Variants in MPPE1 observed in about 807,000 individuals in gnomAD.
The protein encoded by MPPE1 is metallophosphoesterase 1.
Under a neutral mutation model 43.8 loss-of-function variants are expected in MPPE1, and 28 were observed. The ratio of observed to expected loss-of-function variants is 0.64; its 90% CI spans 0.47 to 0.88. The LOEUF (loss-of-function observed/expected upper bound fraction) is 0.88. MPPE1 is among the 40% of genes least tolerant of loss of function. The probability of loss-of-function intolerance (pLI) is 0.00; values close to 1 mark genes in which losing one functional copy is unlikely to be tolerated. For synonymous variants in MPPE1, 159 were observed against 188.5 expected (o/e 0.84, Z 1.28); for missense variants, 428 against 492.2 (o/e 0.87, Z 1.23).
At chr18:11,894,778 C>T (rs890527972) in intron 3 of MPPE1, among the ~76,000 whole-genome samples, 4 of 151,786 alleles carry the variant, frequency 2.6e-5, no homozygotes, top group African/African-American at 7.3e-5. Context: ...TTAGTAGAGA[C>T]GGGGTTTCTC....
intron 2 of MPPE1, among the ~76,000 whole-genome samples, chr18:11,898,131 T>C (rs1193647288): frequency 6.6e-6 from 1 of 152,170 alleles, no homozygotes; most frequent in Non-Finnish European, 1.5e-5. Flanking sequence ...TGCAGTGGTG[T>C]GATCTGGGCT....
intron 3 of MPPE1, 90 bp from the exon 4 acceptor site, chr18:11,893,666 A>C: frequency 2.0e-6 from 2 of 1,001,868 alleles, no homozygotes; most frequent in Non-Finnish European, 3.0e-6. Context: ...AGCAAACTAA[A>C]TGGTTCCACT....
Position 11,886,697 on chromosome 18 carries a change from TC to T in MPPE1, c.744+15del. 6.2e-7 allele frequency: 1 copy of T among 1,613,664 alleles called. No individual in the cohort carries two copies. The highest frequency in any genetic ancestry group is 1.1e-5 in the South Asian group (1 of 91,068). On this transcript the variant is annotated intron_variant, in intron 8 of 10. Transcript: ENST00000588072. The surrounding 1 kb of genome is among the most constrained non-coding windows in gnomAD (Gnocchi z 4.1). The stretch of plus-strand genomic sequence containing the variant: ...TGCCTGCTGTCTGCCATGAGCCCTT[TC>T]CTCCCCCAGCTCACCTGCAGGAGGA...
At chr18:11,884,663 C>T in intron 10 of MPPE1, 36 bp from the exon 11 acceptor site, 1 of 1,599,296 alleles carries the variant, frequency 6.3e-7, no homozygotes, top group South Asian at 1.1e-5. Context: ...CTGAGAGCAC[C>T]AGGCACACGT....
intron 6 of MPPE1, among the ~76,000 whole-genome samples, chr18:11,887,537 C>A (rs592941): frequency 0.022 from 3,352 of 152,260 alleles, 129 homozygotes; most frequent in African/African-American, 0.075. Context: ...GCAAGTAAGG[C>A]AGAGGGTAGG....
In MPPE1 at chr18:11,896,981, T is replaced by C; in HGVS notation, c.281+3A>G. The C allele has an allele frequency of 1.9e-6, 3 of 1,607,748 alleles. No homozygotes were observed. Among genetic ancestry groups the C allele is most frequent in the African/African-American group, 2.7e-5 (2 of 74,832 alleles). On this transcript the variant is annotated splice_donor_region_variant and intron_variant, in intron 3 of 10. Transcript: ENST00000588072. The stretch of plus-strand genomic sequence containing the variant: ...TAGAAAGATTCCTGATTTTACCTCT[T>C]ACCTTCGTAATTTGTCCAGCCAGTG...
intron 4 of MPPE1, among the ~76,000 whole-genome samples, chr18:11,891,779 GT>G (rs2038024605): frequency 6.6e-6 from 1 of 151,810 alleles, no homozygotes; most frequent in Non-Finnish European, 1.5e-5. Context: ...GGTTTTTTTT[GT>G]TTTGTTTTGT....
rs2038679669 is a variant in MPPE1 at position 11,897,024 on chromosome 18, G to A, written c.241C>T (p.Leu81Phe). The stretch of plus-strand genomic sequence containing the variant: ...AGCCAGTGGCCTAGGAATTCCCCAA[G>A]CAAATGGGTGTCAGCCAAAAACATG... ...KAMFLADTHL[L>F]GEFLGHWLDK... The change falls in exon 3 of 11, where the codon CTT becomes TTT. Residue 81 changes from leucine to phenylalanine, a missense_variant. Around this residue, in one of 3 missense-constraint regions of MPPE1, gnomAD observed 379 missense variants for 402.5 expected, o/e 0.94. Transcript: ENST00000588072. The A allele has an allele frequency of 6.3e-7, 1 of 1,584,322 alleles. No homozygotes were observed. The highest frequency in any genetic ancestry group is 8.6e-7 in the Non-Finnish European group (1 of 1,166,672).
chr18:11,884,274 G>C lies in MPPE1; in HGVS notation c.*171C>G. The C allele has an allele frequency of 1.5e-6, 1 of 646,636 alleles. No individual in the cohort carries two copies. The highest frequency in any genetic ancestry group is 2.7e-6 in the Non-Finnish European group (1 of 372,784). 40.1% of individuals were successfully genotyped at this position (646,636 alleles called of 1,614,324 possible). A position where few individuals can be genotyped will look rare whatever the true frequency, so the allele number is the denominator to read the frequency against. ...GTACCTGTCCACTTTTATAGCATGA[G>C]AACAGTACAATCAACTATTTATTTT... On this transcript the variant is annotated 3_prime_UTR_variant, in exon 11 of 11. Transcript: ENST00000588072.
rs577198910 is a variant in MPPE1 at position 11,886,390 on chromosome 18, T to C, written c.867+109A>G. 4 of 1,504,500 alleles carry C rather than the reference T, an allele frequency of 2.7e-6. No individual in the cohort carries two copies. In the East Asian group the frequency reaches 9.0e-5, roughly 34 times the overall value. 93.2% of individuals were successfully genotyped at this position (1,504,500 alleles called of 1,614,324 possible). The stretch of plus-strand genomic sequence containing the variant: ...GTCCCCCCAGGTGATAACTAAGTCA[T>C]GAACGTTTCAGCAAACACCTGCTCT... On this transcript the variant is annotated intron_variant, in intron 9 of 10. Coordinates refer to ENST00000588072, the MANE Select transcript of MPPE1 (RefSeq NM_023075.6). The surrounding 1 kb of genome is among the most constrained non-coding windows in gnomAD (Gnocchi z 4.1).
intron 4 of MPPE1, among the ~76,000 whole-genome samples, chr18:11,890,251 C>CT (rs552069611): frequency 2.8e-3 from 422 of 151,846 alleles, no homozygotes; most frequent in African/African-American, 9.5e-3. Context: ...CATAATATGT[C>CT]TTTTTTAAAA....
rs1253864355 is a variant in MPPE1 at position 11,883,404 on chromosome 18, A to C, written c.*1041T>G. 1 of 153,312 alleles carries C rather than the reference A, an allele frequency of 6.5e-6. No homozygotes were observed. Among genetic ancestry groups the C allele is most frequent in the Non-Finnish European group, 1.5e-5 (1 of 68,038 alleles). The allele number at this position is 153,312 out of a possible 1,614,324, so 9.5% of individuals were successfully genotyped here. On this transcript the variant is annotated 3_prime_UTR_variant, in exon 11 of 11. Coordinates refer to ENST00000588072, the MANE Select transcript of MPPE1 (RefSeq NM_023075.6). Reference sequence around the variant, plus strand: ...TACTCAACAATTACCCTCTAACTAAACATCCTGTTTAAGAGTTTAATTCAA... The same window carrying C: ...TACTCAACAATTACCCTCTAACTAACCATCCTGTTTAAGAGTTTAATTCAA...
chr18:11,904,285 C>T (rs529503845), intron 2 of MPPE1, among the ~76,000 whole-genome samples: 1 of 152,102 alleles, frequency 6.6e-6, no homozygotes, highest in South Asian at 2.1e-4. Flanking sequence ...TGTGAAGCAG[C>T]TATCTGGTAT....
chr18:11,888,454 G>A (rs569122111), intron 6 of MPPE1, among the ~76,000 whole-genome samples: 2 of 152,282 alleles, frequency 1.3e-5, no homozygotes, highest in South Asian at 4.1e-4. Flanking sequence ...TTCATTATGG[G>A]GTTGTCAAGG....
intron 3 of MPPE1, among the ~76,000 whole-genome samples, chr18:11,895,883 A>C (rs1359335457): frequency 6.6e-6 from 1 of 151,700 alleles, no homozygotes; most frequent in Non-Finnish European, 1.5e-5. Flanking sequence ...CTCTTGATTT[A>C]ATGTTATTCA....
intron 10 of MPPE1, chr18:11,885,350 A>C: frequency 3.2e-6 from 1 of 308,964 alleles, no homozygotes; most frequent in Non-Finnish European, 6.1e-6. Context: ...ATGGCTGAGT[A>C]TAGCTAATGA....
Position 11,884,583 on chromosome 18 carries a change from G to GAGGT in MPPE1, c.1049_1052dup (p.Arg353ProfsTer3). ...TGATCAAAACCACATCCTCACGTGG[G>GAGGT]AGGTAGCACTTGGAGAGGGTGTAGT... On this transcript the variant is annotated frameshift_variant, in exon 11 of 11. Transcript: ENST00000588072. LOFTEE classifies it low-confidence loss of function (END_TRUNC). 6.2e-7 allele frequency: 1 copy of GAGGT among 1,613,964 alleles called. No individual in the cohort carries two copies. The highest frequency in any genetic ancestry group is 8.5e-7 in the Non-Finnish European group (1 of 1,180,034).
chr18:11,900,719 A>G (rs765138736), intron 2 of MPPE1, among the ~76,000 whole-genome samples: 32 of 151,930 alleles, frequency 2.1e-4, no homozygotes, highest in Non-Finnish European at 2.6e-4. Flanking sequence ...CATCCTGGCT[A>G]ACACGGTGAA....
chr18:11,885,541 A>G, intron 10 of MPPE1, 135 bp downstream of exon 10: 1 of 1,028,828 alleles, frequency 9.7e-7, no homozygotes, highest in Non-Finnish European at 1.4e-6. Flanking sequence ...CAGTGTATGG[A>G]GCTACGTGTA....
Sources: gnomAD v4.1 joint callset for allele counts (sites outside exome capture counted in the v4.1 genomes callset) on GRCh38, gnomAD v4.1.1 for gene constraint, gnomAD v4.1.1 regional missense constraint, Gnocchi (gnomAD v3.1) non-coding constraint, MANE v1.5 for transcripts, NCBI Gene and HGNC (gene_info 2026-07-23, HGNC 2026-07-21) for gene names.